Variants in EFCAB5 observed in about 807,000 individuals in gnomAD.
The protein encoded by EFCAB5 is EF-hand calcium binding domain 5, also known as EF-hand calcium-binding domain-containing protein 5.
A neutral mutation model predicts 167.9 loss-of-function variants in EFCAB5; 131 were observed. That is an observed-to-expected ratio of 0.78 (90% confidence interval 0.68 to 0.90). The LOEUF is 0.90. EFCAB5 is among the 40% of genes least tolerant of loss of function. The pLI, the probability that EFCAB5 is intolerant of heterozygous loss-of-function variation, is 0.00. For synonymous variants in EFCAB5, 574 were observed against 602.8 expected (o/e 0.95, Z 0.70); for missense variants, 1,663 against 1,745.2 (o/e 0.95, Z 0.84).
intron 4 of EFCAB5, among the ~76,000 whole-genome samples, chr17:29,979,139 C>T (rs2068121161): frequency 2.0e-5 from 3 of 152,092 alleles, no homozygotes; most frequent in Admixed American, 1.3e-4. Flanking sequence ...ATCACGAGGT[C>T]AGGAGTTCAA....
At chr17:29,997,936 GA>G (rs112937585) in intron 6 of EFCAB5, among the ~76,000 whole-genome samples, 3,880 of 131,852 alleles carry the variant, frequency 0.029, 150 homozygotes, top group African/African-American at 0.099. Context: ...AAATTAGGTG[GA>G]AAAAAAAAAA....
At chr17:30,016,727 A>T (rs939260173) in intron 7 of EFCAB5, among the ~76,000 whole-genome samples, 1 of 152,238 alleles carries the variant, frequency 6.6e-6, no homozygotes, top group Non-Finnish European at 1.5e-5. Context: ...ACCATTTGAA[A>T]ATATTTAAAA....
chr17:29,985,288 G>A lies in EFCAB5; in HGVS notation c.768-7877G>A, dbSNP rs373455522. On this transcript the variant is annotated intron_variant, in intron 4 of 22. Transcript: ENST00000394835. ...GACTTTGGCTAGATAAAGGCAATTA[G>A]CTGAGATATACCCCTAGACAGATTT... is the stretch of plus-strand genomic sequence containing the variant. Among the ~76,000 whole-genome samples the A allele has an allele frequency of 4.6e-5, 7 of 152,304 alleles. No homozygotes were observed. In the East Asian group the frequency reaches 1.3e-3, roughly 29 times the overall value.
In EFCAB5 at chr17:30,076,164, T is replaced by C. The variant is rs372955710; in HGVS notation, c.2738-2051T>C. The stretch of plus-strand genomic sequence containing the variant: ...CTCTTCTGTTTTAGCTGCACTATCA[T>C]AGAACCTCTACCTTTGTGGTAACCA... On this transcript the variant is annotated intron_variant, in intron 14 of 22. Transcript: ENST00000394835. Among the ~76,000 whole-genome samples the C allele has an allele frequency of 1.2e-3, 190 of 152,320 alleles. 1 individual carries two copies. Among genetic ancestry groups the C allele is most frequent in the Non-Finnish European group, 1.6e-3 (107 of 68,026 alleles).
In EFCAB5 at chr17:30,054,080, A is replaced by G; in HGVS notation, c.2126A>G (p.Glu709Gly). Reference protein sequence around the residue: ...EKRSWEQTYEEEIFLSSELQE... With the variant: ...EKRSWEQTYEGEIFLSSELQE... ...AGGTCTTGGGAACAAACATATGAAG[A>G]GGAAATATTCCTGAGTTCTGAACTG... The change falls in exon 10 of 23, where the codon GAG (glutamate) becomes GGG (glycine). Residue 709 changes from glutamate to glycine, a missense_variant. By Grantham distance (98) the Glu-to-Gly change is moderately conservative. Transcript: ENST00000394835. 6.3e-7 allele frequency: 1 copy of G among 1,590,046 alleles called. No individual in the cohort carries two copies. Among genetic ancestry groups the G allele is most frequent in the African/African-American group, 1.3e-5 (1 of 74,568 alleles).
chr17:30,089,693 C>T (rs905080334), intron 19 of EFCAB5, among the ~76,000 whole-genome samples: 10 of 152,100 alleles, frequency 6.6e-5, no homozygotes, highest in African/African-American at 1.7e-4. Context: ...CGCCCTTGAG[C>T]GATTGGAGCT....
At chr17:30,047,221 G>T (rs188262375) in intron 8 of EFCAB5, among the ~76,000 whole-genome samples, 52 of 152,180 alleles carry the variant, frequency 3.4e-4, no homozygotes, top group African/African-American at 1.2e-3. Context: ...TATACAGTAA[G>T]AAATCTAAAG....
intron 6 of EFCAB5, among the ~76,000 whole-genome samples, chr17:29,997,679 GT>G (rs1299108589): frequency 1.3e-5 from 2 of 152,072 alleles, no homozygotes; most frequent in Non-Finnish European, 2.9e-5. Context: ...GTAAAATAGA[GT>G]TGGGTTCTAA....
chr17:29,946,561 C>T (rs1158500994), intron 3 of EFCAB5, among the ~76,000 whole-genome samples: 2 of 150,922 alleles, frequency 1.3e-5, no homozygotes, highest in Non-Finnish European at 2.9e-5. Context: ...CTCAGCCTCC[C>T]AAGTAATTGG....
rs1230239541 is a variant in EFCAB5, at chr17:30,107,840, C to T, written c.4328C>T (p.Ser1443Phe). The change falls in exon 23 of 23, where the codon TCC becomes TTC. Residue 1443 changes from serine (S) to phenylalanine (F), a missense_variant. Ser to Phe is a radical substitution (Grantham distance 155, BLOSUM62 -2). Transcript: ENST00000394835. Reference protein sequence around the residue: ...QLIDEYIRDHSRTEVWKFGNV... With the variant: ...QLIDEYIRDHFRTEVWKFGNV... ...TTTTTTTTTCCTGATGCAGATCATT[C>T]CCGAACTGAAGTATGGAAATTTGGT... 3.2e-6 allele frequency: 5 copies of T among 1,562,280 alleles called. No individual in the cohort carries two copies. Among genetic ancestry groups the T allele is most frequent in the Non-Finnish European group, 4.3e-6 (5 of 1,160,612 alleles).
chr17:29,948,535 T>C (rs983600700), intron 3 of EFCAB5, among the ~76,000 whole-genome samples: 2 of 152,176 alleles, frequency 1.3e-5, no homozygotes, highest in African/African-American at 4.8e-5. Flanking sequence ...TGAATGTGTG[T>C]GTGTGTGTGG....
chr17:30,002,721 C>T (rs563819086), intron 7 of EFCAB5, among the ~76,000 whole-genome samples: 1 of 152,242 alleles, frequency 6.6e-6, no homozygotes, highest in South Asian at 2.1e-4. Flanking sequence ...TAGAGAATTT[C>T]TTCTATAGCC....
intron 4 of EFCAB5, among the ~76,000 whole-genome samples, chr17:29,989,038 A>G (rs1382172643): frequency 6.6e-6 from 1 of 152,186 alleles, no homozygotes; most frequent in Non-Finnish European, 1.5e-5. Flanking sequence ...AAGGATAGAA[A>G]ATAGATTACG....
At chr17:29,995,463 C>G (rs2068524759) in intron 5 of EFCAB5, among the ~76,000 whole-genome samples, 1 of 152,216 alleles carries the variant, frequency 6.6e-6, no homozygotes, top group South Asian at 2.1e-4. Flanking sequence ...TTTGATTGTG[C>G]TTTGTCTTCA....
chr17:30,070,949 C>CAAAAAAAA (rs35019863), intron 14 of EFCAB5, among the ~76,000 whole-genome samples: 3 of 60,192 alleles, frequency 5.0e-5, no homozygotes, highest in Non-Finnish European at 8.5e-5. Flanking sequence ...GATTCCATCT[C>CAAAAAAAA]AAAAAAAAAA....
chr17:29,939,735 C>G (rs2067274063), upstream of EFCAB5, among the ~76,000 whole-genome samples: 1 of 152,164 alleles, frequency 6.6e-6, no homozygotes, highest in South Asian at 2.1e-4. Context: ...CCTCTCTCAG[C>G]CTTCACAGAA....
intron 7 of EFCAB5, among the ~76,000 whole-genome samples, chr17:30,002,411 T>C (rs2068681441): frequency 6.6e-6 from 1 of 152,230 alleles, no homozygotes; most frequent in Non-Finnish European, 1.5e-5. Flanking sequence ...ACAAAACTAT[T>C]TCAGTACCAC....
intron 3 of EFCAB5, among the ~76,000 whole-genome samples, chr17:29,951,735 A>G (rs1235691899): frequency 2.5e-4 from 38 of 152,040 alleles, no homozygotes; most frequent in Non-Finnish European, 7.4e-5. Context: ...ACAATTATGT[A>G]AAACAAATTG....
In EFCAB5 at chr17:30,053,741, A is replaced by G. The variant is rs1194352032; in HGVS notation, c.1787A>G (p.Gln596Arg). 6.2e-7 allele frequency: 1 copy of G among 1,614,026 alleles called. No individual in the cohort carries two copies. Among genetic ancestry groups the G allele is most frequent in the South Asian group, 1.1e-5 (1 of 91,086 alleles). The change falls in exon 10 of 23, where the codon CAA (glutamine) becomes CGA (arginine). Residue 596 changes from glutamine to arginine, a missense_variant. Physicochemically the swap from Gln to Arg is conservative, Grantham distance 43. Coordinates refer to ENST00000394835, the MANE Select transcript of EFCAB5 (RefSeq NM_198529.4). ...QGPRRVSVSEQGSSRESVAEQ... is the reference protein window; with the variant it reads ...QGPRRVSVSERGSSRESVAEQ... ...CCACGCAGAGTGTCAGTTTCAGAAC[A>G]AGGATCAAGCAGAGAGTCAGTTGCA...
Sources: gnomAD v4.1 joint callset for allele counts (sites outside exome capture counted in the v4.1 genomes callset) on GRCh38, gnomAD v4.1.1 for gene constraint, MANE v1.5 for transcripts, NCBI Gene and HGNC (gene_info 2026-07-23, HGNC 2026-07-21) for gene names.